The following NTNG1 variants were observed in gnomAD, a reference collection of about 807,000 sequenced individuals.
The protein encoded by NTNG1 is netrin G1, also known as netrin-G1.
Under a neutral mutation model 54.0 loss-of-function variants are expected in NTNG1, and 16 were observed. The observed-to-expected ratio is 0.30, with a 90% CI of 0.20 to 0.45. The LOEUF is 0.45. Ranked by LOEUF, NTNG1 falls within the 20% of genes least tolerant of loss-of-function variation. NTNG1 has a pLI of 1.00. For missense variants in NTNG1, 530 were observed against 678.7 expected, an observed-to-expected ratio of 0.78 and a Z score of 2.43; for synonymous variants, 255 against 263.1, an observed-to-expected ratio of 0.97 and a Z score of 0.30.
At chr1:107,249,680 T>G (rs1662458809) in intron 2 of NTNG1, among the ~76,000 whole-genome samples, 1 of 152,198 alleles carries the variant, frequency 6.6e-6, no homozygotes, top group Admixed American at 6.5e-5. Flanking sequence ...TAATCCACAC[T>G]GTATATTAGC....
chr1:107,154,061 G>A (rs748798135), intron 2 of NTNG1, among the ~76,000 whole-genome samples: 26 of 152,172 alleles, frequency 1.7e-4, no homozygotes, highest in Non-Finnish European at 1.3e-4. Context: ...AAACCTAGTG[G>A]TGGTGGAGAT....
intron 3 of NTNG1, among the ~76,000 whole-genome samples, chr1:107,376,288 G>A (rs967284781): frequency 1.3e-5 from 2 of 152,024 alleles, no homozygotes; most frequent in African/African-American, 2.4e-5. Context: ...GGCGCCTGTA[G>A]TCCCAGCTAC....
chr1:107,315,496 C>T (rs1015441724), intron 2 of NTNG1, among the ~76,000 whole-genome samples: 5 of 152,106 alleles, frequency 3.3e-5, no homozygotes, highest in Non-Finnish European at 7.4e-5. Flanking sequence ...TGACTTCTTC[C>T]CCAGCCTCAT....
chr1:107,230,716 T>A (rs942676259), intron 2 of NTNG1, among the ~76,000 whole-genome samples: 1 of 152,064 alleles, frequency 6.6e-6, no homozygotes, highest in Non-Finnish European at 1.5e-5. Context: ...AGGAATGTGC[T>A]TTTTAAGCTA....
chr1:107,150,690 T>C (rs957553211), intron 2 of NTNG1, among the ~76,000 whole-genome samples: 11 of 152,190 alleles, frequency 7.2e-5, no homozygotes, highest in African/African-American at 2.7e-4. Flanking sequence ...TCTCAGTCTC[T>C]GGCCAGAGAA....
At chr1:107,226,235 C>T (rs759276511) in intron 2 of NTNG1, among the ~76,000 whole-genome samples, 20 of 152,214 alleles carry the variant, frequency 1.3e-4, no homozygotes, top group Non-Finnish European at 2.4e-4. Context: ...TCCCGGTGTA[C>T]TCTTGTGAGT....
intron 2 of NTNG1, among the ~76,000 whole-genome samples, chr1:107,241,559 C>T (rs754370531): frequency 6.6e-6 from 1 of 152,142 alleles, no homozygotes; most frequent in Admixed American, 6.5e-5. Flanking sequence ...TAGTTTAGAG[C>T]GTCCTGCACT....
intron 2 of NTNG1, among the ~76,000 whole-genome samples, chr1:107,281,059 C>A (rs1410191451): frequency 6.6e-6 from 1 of 152,026 alleles, no homozygotes; most frequent in Non-Finnish European, 1.5e-5. Flanking sequence ...GAGCCTGCAG[C>A]CTTTCAGGTT....
chr1:107,345,432 G>C (rs1421614314), intron 3 of NTNG1, among the ~76,000 whole-genome samples: 1 of 152,208 alleles, frequency 6.6e-6, no homozygotes, highest in Non-Finnish European at 1.5e-5. Context: ...AATGTGCTCA[G>C]CAGGTCACTA....
rs566878495 is a variant in NTNG1, at chr1:107,422,147, C to T, written c.1088-8603C>T. Among the ~76,000 whole-genome samples the T allele has an allele frequency of 1.9e-4, 29 of 152,048 alleles. No individual in the cohort carries two copies. In the Middle Eastern group the frequency reaches 0.01, roughly 54 times the overall value. ...AAATTTTCTCAAATGTGCTTTTAAC[C>T]GTGGAACATAGAAGATGCCAATTTG... On this transcript the variant is annotated intron_variant, in intron 5 of 7. Transcript: ENST00000370068.
rs1338957907 is a variant in NTNG1 at position 107,309,549 on chromosome 1, G to A, written c.247-14733G>A. Among the ~76,000 whole-genome samples, 3 of 152,234 alleles carry A rather than the reference G, an allele frequency of 2.0e-5. No individual in the cohort carries two copies. The East Asian group carries it at 5.8e-4, about 29-fold the overall frequency. On this transcript the variant is annotated intron_variant, in intron 2 of 7. Coordinates refer to ENST00000370068, the MANE Select transcript of NTNG1 (RefSeq NM_001113226.3). ...CTACTCTCTGCCAGGAATTTTGAAG[G>A]ATACAAAAATGAATAAGATGTGTCC... is the stretch of plus-strand genomic sequence containing the variant.
intron 2 of NTNG1, among the ~76,000 whole-genome samples, chr1:107,166,542 A>G (rs1655809504): frequency 2.0e-5 from 3 of 152,164 alleles, no homozygotes; most frequent in Admixed American, 6.5e-5. Context: ...CATAATTCTT[A>G]TTTTGTATTT....
At chr1:107,356,723 A>C (rs926955987) in intron 3 of NTNG1, among the ~76,000 whole-genome samples, 2 of 151,272 alleles carry the variant, frequency 1.3e-5, no homozygotes, top group African/African-American at 4.8e-5. Context: ...ATTAAAGACC[A>C]ATCTGGTGGT....
chr1:107,387,045 G>A lies in NTNG1; in HGVS notation c.888-8109G>A, dbSNP rs548246374. The stretch of plus-strand genomic sequence containing the variant: ...TGTGCTTATTGGCTATTTGTATATC[G>A]TCTTCTTAAAATATCTATTCAGATT... On this transcript the variant is annotated intron_variant, in intron 3 of 7. Coordinates refer to ENST00000370068, the MANE Select transcript of NTNG1 (RefSeq NM_001113226.3). Among the ~76,000 whole-genome samples the A allele has an allele frequency of 5.6e-4, 85 of 152,238 alleles. 1 individual carries two copies. The highest frequency in any genetic ancestry group is 1.8e-3 in the African/African-American group (73 of 41,532).
chr1:107,483,425 G>T lies in NTNG1; in HGVS notation c.*2585G>T, dbSNP rs1678846506. The T allele has an allele frequency of 6.6e-6, 1 of 152,220 alleles. No individual in the cohort carries two copies. Among genetic ancestry groups the T allele is most frequent in the Admixed American group, 6.5e-5 (1 of 15,288 alleles). 9.4% of individuals were successfully genotyped at this position (152,220 alleles called of 1,614,324 possible). ...AGTTTTCTGAATTTCCTGAAGCGAT[G>T]TGATCTGCTTTTAATAAAAATTCAC... On this transcript the variant is annotated 3_prime_UTR_variant, in exon 8 of 8. Coordinates refer to ENST00000370068, the MANE Select transcript of NTNG1 (RefSeq NM_001113226.3).
At chr1:107,160,449 T>C (rs1361377875) in intron 2 of NTNG1, among the ~76,000 whole-genome samples, 1 of 152,104 alleles carries the variant, frequency 6.6e-6, no homozygotes, top group Admixed American at 6.6e-5. Flanking sequence ...TCCCGCAGTA[T>C]CTCCTAATTG....
Position 107,334,141 on chromosome 1 carries a change from T to G in NTNG1, c.887+9219T>G, listed in dbSNP as rs551733206. The G allele has an allele frequency of 1.4e-4, 21 of 152,146 alleles. 1 individual carries two copies. The South Asian group carries it at 4.4e-3, about 32-fold the overall frequency. The allele number at this position is 152,146 out of a possible 1,614,324, so 9.4% of individuals were successfully genotyped here. A position where few individuals can be genotyped will look rare whatever the true frequency, so the allele number is the denominator to read the frequency against. Reference sequence around the variant, plus strand: ...GAAAGAAAAATTAGATTAACCAGTATTTAATATATTCTTTTTTTTTCATTT... The same window carrying G: ...GAAAGAAAAATTAGATTAACCAGTAGTTAATATATTCTTTTTTTTTCATTT... On this transcript the variant is annotated intron_variant, in intron 3 of 7. Coordinates refer to ENST00000370068, the MANE Select transcript of NTNG1 (RefSeq NM_001113226.3).
intron 2 of NTNG1, among the ~76,000 whole-genome samples, chr1:107,313,249 C>T (rs949798417): frequency 1.3e-5 from 2 of 152,140 alleles, no homozygotes; most frequent in Non-Finnish European, 2.9e-5. Context: ...TCTGGTATTT[C>T]CTCATGATTA....
chr1:107,386,148 T>C (rs1671967514), intron 3 of NTNG1, among the ~76,000 whole-genome samples: 1 of 84,038 alleles, frequency 1.2e-5, no homozygotes, highest in South Asian at 3.8e-4. Flanking sequence ...TATATATGTG[T>C]GTATATATAT....
Sources: gnomAD v4.1 joint callset for allele counts (sites outside exome capture counted in the v4.1 genomes callset) on GRCh38, gnomAD v4.1.1 for gene constraint, MANE v1.5 for transcripts, NCBI Gene and HGNC (gene_info 2026-07-23, HGNC 2026-07-21) for gene names.